Variants in CENPP observed in about 807,000 individuals in gnomAD.
CENPP encodes the protein centromere protein P.
Under a neutral mutation model 35.6 loss-of-function variants are expected in CENPP, and 24 were observed. That is an observed-to-expected ratio of 0.67 (90% CI 0.49 to 0.95). The LOEUF (loss-of-function observed/expected upper bound fraction) is 0.95. Ranked by LOEUF, CENPP falls within the 40% of genes least tolerant of loss-of-function variation. The pLI, the probability that CENPP is intolerant of heterozygous loss-of-function variation, is 0.00. For synonymous variants in CENPP, 120 were observed against 125.5 expected (o/e 0.96, Z 0.29); for missense variants, 332 against 345.3 (o/e 0.96, Z 0.31).
intron 5 of CENPP, among the ~76,000 whole-genome samples, chr9:92,514,305 C>T (rs10117603): frequency 0.24 from 34,705 of 146,298 alleles, 5,566 homozygotes; most frequent in African/African-American, 0.45. Context: ...GATGGAGTCT[C>T]GCTCAAGTGC....
At chr9:92,592,925 T>C (rs1040483819) in intron 5 of CENPP, among the ~76,000 whole-genome samples, 3 of 152,226 alleles carry the variant, frequency 2.0e-5, no homozygotes. Context: ...TAAGGCTCTT[T>C]CTATACAAGT....
chr9:92,558,528 A>T (rs1467836914), intron 5 of CENPP, among the ~76,000 whole-genome samples: 1 of 152,104 alleles, frequency 6.6e-6, no homozygotes, highest in Non-Finnish European at 1.5e-5. Flanking sequence ...ACCAGTGCCT[A>T]TTCTGGTGGA....
chr9:92,618,561 T>G lies in CENPP; in HGVS notation c.*5412T>G, dbSNP rs1315986456. 1.8e-5 allele frequency: 8 copies of G among 456,490 alleles called. No individual in the cohort carries two copies. The East Asian group carries it at 5.6e-4, about 32-fold the overall frequency. The allele number at this position is 456,490 out of a possible 1,614,324, so 28.3% of individuals were successfully genotyped here. A position where few individuals can be genotyped will look rare whatever the true frequency, so the allele number is the denominator to read the frequency against. On this transcript the variant is annotated 3_prime_UTR_variant, in exon 8 of 8. Coordinates refer to ENST00000375587, the MANE Select transcript of CENPP (RefSeq NM_001012267.3). ...TGCTGAACAGTGGTATCTTCGTGGG[T>G]TTTCTCTCATCGAACACCACCAGCT...
At chr9:92,504,495 G>T (rs539406252) in intron 5 of CENPP, among the ~76,000 whole-genome samples, 16 of 152,268 alleles carry the variant, frequency 1.1e-4, no homozygotes, top group African/African-American at 3.9e-4. Context: ...CTGCCAGTAT[G>T]TATAGACTCT....
At chr9:92,518,139 T>C (rs1254098620) in intron 5 of CENPP, among the ~76,000 whole-genome samples, 1 of 152,182 alleles carries the variant, frequency 6.6e-6, no homozygotes, top group East Asian at 1.9e-4. Flanking sequence ...CCATTTTGTA[T>C]CCATCAGGAT....
intron 5 of CENPP, chr9:92,466,248 G>A (rs1845307144): frequency 1.3e-6 from 1 of 748,608 alleles, no homozygotes; most frequent in Non-Finnish European, 2.2e-6. Context: ...TCTAGGCAAA[G>A]ATTATTCAAA....
intron 5 of CENPP, among the ~76,000 whole-genome samples, chr9:92,586,046 T>A (rs1181464438): frequency 7.3e-6 from 1 of 136,784 alleles, no homozygotes; most frequent in Non-Finnish European, 1.6e-5. Context: ...CTGTAGAAAT[T>A]TTTTTTTTCT....
At chr9:92,605,462 A>C (rs914827313) in intron 5 of CENPP, among the ~76,000 whole-genome samples, 2 of 152,102 alleles carry the variant, frequency 1.3e-5, no homozygotes, top group African/African-American at 2.4e-5. Flanking sequence ...GACCTCACAG[A>C]TGTTATCTCT....
At chr9:92,391,651 C>T (rs1842692421) in intron 5 of CENPP, among the ~76,000 whole-genome samples, 1 of 152,016 alleles carries the variant, frequency 6.6e-6, no homozygotes, top group African/African-American at 2.4e-5. Flanking sequence ...AAATCATAAA[C>T]ACAAAGCACA....
intron 5 of CENPP, among the ~76,000 whole-genome samples, chr9:92,597,147 A>G (rs1024876905): frequency 6.6e-6 from 1 of 152,146 alleles, no homozygotes; most frequent in African/African-American, 2.4e-5. Context: ...GTTTTAATCA[A>G]TTTACTAGTT....
intron 5 of CENPP, among the ~76,000 whole-genome samples, chr9:92,587,753 C>T (rs946413061): frequency 6.6e-6 from 1 of 152,132 alleles, no homozygotes; most frequent in Non-Finnish European, 1.5e-5. Context: ...TTGAAATGAT[C>T]AGAATGTTTT....
At chr9:92,572,169 G>A (rs1850160135) in intron 5 of CENPP, among the ~76,000 whole-genome samples, 1 of 152,174 alleles carries the variant, frequency 6.6e-6, no homozygotes, top group Admixed American at 6.5e-5. Context: ...AGTTGATGCA[G>A]TTTCTTCCTA....
Position 92,539,408 on chromosome 9 carries a change from G to A in CENPP, c.565-71906G>A, listed in dbSNP as rs530656650. Among the ~76,000 whole-genome samples the A allele has an allele frequency of 1.1e-3, 156 of 145,270 alleles. 2 individuals are homozygous for A. The highest frequency in any genetic ancestry group is 7.5e-3 in the Middle Eastern group (2 of 266). On this transcript the variant is annotated intron_variant, in intron 5 of 7. Transcript: ENST00000375587. ...AGTAGATTGAAGCCAGTTGATTAGG[G>A]TATTTAGCTGTTAACTACATTTTTA...
At chr9:92,447,197 G>A (rs931813811) in intron 5 of CENPP, among the ~76,000 whole-genome samples, 4 of 151,032 alleles carry the variant, frequency 2.6e-5, no homozygotes, top group Admixed American at 2.0e-4. Context: ...TGATTCAGTC[G>A]CATTACATTT....
chr9:92,496,101 A>C, intron 5 of CENPP: 1 of 1,181,992 alleles, frequency 8.5e-7, no homozygotes, highest in Non-Finnish European at 1.0e-6. Flanking sequence ...AGAGGTAGGA[A>C]ACTGAGAGAT....
chr9:92,530,060 T>C (rs929207382), intron 5 of CENPP, among the ~76,000 whole-genome samples: 2 of 152,200 alleles, frequency 1.3e-5, no homozygotes, highest in African/African-American at 4.8e-5. Context: ...TAGAGATTAT[T>C]TAAAGTATAC....
rs200993869 is a variant in CENPP at position 92,381,285 on chromosome 9, CTT to C, written c.564+1441_564+1442del. 9.0e-4 allele frequency among the ~76,000 whole-genome samples: 123 copies of C among 136,448 alleles called. 1 individual carries two copies. Among genetic ancestry groups the C allele is most frequent in the Middle Eastern group, 3.6e-3 (1 of 280 alleles). 89.5% of individuals were successfully genotyped at this position (136,448 alleles called of 152,430 possible). ...TCATAGCATGTGTCAGATTTCTTTT[CTT>C]TTTTTTTTTTTTTTGAGACAGGGTC... On this transcript the variant is annotated intron_variant, in intron 5 of 7. Coordinates refer to ENST00000375587, the MANE Select transcript of CENPP (RefSeq NM_001012267.3).
intron 5 of CENPP, among the ~76,000 whole-genome samples, chr9:92,398,740 A>G (rs1475172663): frequency 6.6e-6 from 1 of 152,180 alleles, no homozygotes; most frequent in Non-Finnish European, 1.5e-5. Context: ...GTGATTTTGC[A>G]TTTGTATTTT....
At chr9:92,582,628 GA>G (rs746028139) in intron 5 of CENPP, among the ~76,000 whole-genome samples, 235 of 139,948 alleles carry the variant, frequency 1.7e-3, no homozygotes, top group Middle Eastern at 7.3e-3. Flanking sequence ...GTCCTTTCTG[GA>G]AAAAAAAAAA....
Sources: allele counts gnomAD v4.1 joint callset (sites outside exome capture counted in the v4.1 genomes callset), GRCh38; gene constraint gnomAD v4.1.1; transcripts MANE v1.5; gene names NCBI Gene and HGNC (gene_info 2026-07-23, HGNC 2026-07-21).